The following NEDD9 variants were observed in gnomAD, a reference collection of about 807,000 sequenced individuals.
NEDD9 encodes neural precursor cell expressed, developmentally down-regulated 9, also known as enhancer of filamentation 1.
Under a neutral mutation model 76.6 loss-of-function variants are expected in NEDD9, and 26 were observed. That is an observed-to-expected ratio of 0.34 (90% confidence interval 0.25 to 0.47). NEDD9 has a LOEUF of 0.47. Among genes scored for constraint, NEDD9 ranks in the 20% least tolerant of loss-of-function variants. The pLI, the probability that NEDD9 is intolerant of heterozygous loss-of-function variation, is 1.00. For synonymous variants in NEDD9, 392 were observed against 414.2 expected, an observed-to-expected ratio of 0.95 and a Z score of 0.65; for missense variants, 937 against 1,058.5, an observed-to-expected ratio of 0.89 and a Z score of 1.59.
chr6:11,323,038 A>T (rs1019815101), intron 2 of NEDD9, among the ~76,000 whole-genome samples: 1 of 114,422 alleles, frequency 8.7e-6, no homozygotes, highest in African/African-American at 3.1e-5. Flanking sequence ...TATAGGAGTT[A>T]TTTTTTTCTC....
rs543631183 is a variant in NEDD9 at position 11,308,599 on chromosome 6, T to G, written c.-152-2444A>C. 1.6e-4 allele frequency among the ~76,000 whole-genome samples: 24 copies of G among 152,000 alleles called. No homozygotes were observed. In the East Asian group the frequency reaches 1.7e-3, roughly 11 times the overall value. The stretch of plus-strand genomic sequence containing the variant: ...TTAGCCAGGATGGTCTTAATCTCCT[T>G]ACCTCGTGATCCGCCCACCTCAGCC... On this transcript the variant is annotated intron_variant, in intron 2 of 3. Transcript: ENST00000397378.
chr6:11,260,880 G>T (rs903299992), intron 3 of NEDD9, among the ~76,000 whole-genome samples: 1 of 147,356 alleles, frequency 6.8e-6, no homozygotes, highest in African/African-American at 2.6e-5. Context: ...GTATGTGTGA[G>T]CACGTGTGTG....
chr6:11,314,071 C>A (rs1225820597), intron 2 of NEDD9, among the ~76,000 whole-genome samples: 2 of 152,224 alleles, frequency 1.3e-5, no homozygotes, highest in East Asian at 3.9e-4. Context: ...AATTTGTAAG[C>A]CTTTTAAAGA....
At chr6:11,346,109 G>T (rs536634580) in intron 1 of NEDD9, among the ~76,000 whole-genome samples, 33 of 152,226 alleles carry the variant, frequency 2.2e-4, no homozygotes, top group African/African-American at 7.7e-4. Context: ...GCTTTTTTGT[G>T]TCTCCACCAT....
chr6:11,292,407 A>G (rs1760798924), intron 3 of NEDD9, among the ~76,000 whole-genome samples: 1 of 152,248 alleles, frequency 6.6e-6, no homozygotes, highest in African/African-American at 2.4e-5. Flanking sequence ...AATCAAACCC[A>G]GAAAGCCTTC....
chr6:11,188,933 A>G (rs1334892341), intron 5 of NEDD9, among the ~76,000 whole-genome samples: 3 of 147,740 alleles, frequency 2.0e-5, no homozygotes, highest in Non-Finnish European at 3.0e-5. Context: ...GTCCTAAACA[A>G]TGGATCTTGG....
intron 2 of NEDD9, among the ~76,000 whole-genome samples, chr6:11,202,270 T>C (rs1477572343): frequency 2.0e-5 from 3 of 152,232 alleles, no homozygotes; most frequent in Admixed American, 6.5e-5. Context: ...TATCTCTCTT[T>C]GCGTTTCATG....
At chr6:11,283,392 T>G (rs890050920) in intron 3 of NEDD9, among the ~76,000 whole-genome samples, 1 of 152,160 alleles carries the variant, frequency 6.6e-6, no homozygotes, top group Non-Finnish European at 1.5e-5. Context: ...CTGACCATGG[T>G]GAGAGGGTGG....
chr6:11,183,404 C>T lies in NEDD9; in HGVS notation c.*1758G>A, dbSNP rs1757899691. On this transcript the variant is annotated 3_prime_UTR_variant, in exon 7 of 7. Transcript: ENST00000379446. ...ATTTGGTTTTAAAAATGTGAAATGT[C>T]TCCACTTAGCGTAGATCAATCAAGT... The T allele has an allele frequency of 1.3e-5, 2 of 152,166 alleles. No individual in the cohort carries two copies. Among genetic ancestry groups the T allele is most frequent in the South Asian group, 2.1e-4 (1 of 4,832 alleles). The allele number at this position is 152,166 out of a possible 1,614,324, so 9.4% of individuals were successfully genotyped here. A position where few individuals can be genotyped will look rare whatever the true frequency, so the allele number is the denominator to read the frequency against.
At chr6:11,286,474 A>T (rs1044252948) in intron 3 of NEDD9, among the ~76,000 whole-genome samples, 1 of 152,194 alleles carries the variant, frequency 6.6e-6, no homozygotes, top group Non-Finnish European at 1.5e-5. Context: ...CTAGATTTTT[A>T]TCCAAGAGAA....
chr6:11,255,095 C>G lies in NEDD9; in HGVS notation c.13-41368G>C, dbSNP rs372740477. On this transcript the variant is annotated intron_variant, in intron 3 of 3. Transcript: ENST00000397378. ...ATGCAACAGGATTCATAGAGTGAGA[C>G]AAATAAGTTCTGTGAGGAGTAGGAG... 1.1e-4 allele frequency among the ~76,000 whole-genome samples: 17 copies of G among 152,216 alleles called. 1 individual carries two copies. The South Asian group carries it at 1.5e-3, about 13-fold the overall frequency.
chr6:11,190,966 G>T lies in NEDD9; in HGVS notation c.903C>A (p.His301Gln). The change falls in exon 5 of 7, where the codon CAC (histidine) becomes CAA (glutamine). Residue 301 changes from histidine to glutamine, a missense_variant. His to Gln is a conservative substitution (Grantham distance 24). Transcript: ENST00000379446. The surrounding 1 kb of genome is among the most constrained non-coding windows in gnomAD (Gnocchi z 5.8). ...ARRHQSLSPN[H>Q]PPPQLGQSVG... ...CTGACTGTCCGAGTTGCGGGGGTGGGTGATTCGGGGACAGGCTCTGGTGCC... is the reference window on the plus strand; with the variant it reads ...CTGACTGTCCGAGTTGCGGGGGTGGTTGATTCGGGGACAGGCTCTGGTGCC... 1.2e-6 allele frequency: 2 copies of T among 1,614,078 alleles called. No homozygotes were observed. The highest frequency in any genetic ancestry group is 1.7e-6 in the Non-Finnish European group (2 of 1,180,012).
chr6:11,336,403 C>T (rs545323206), intron 1 of NEDD9, among the ~76,000 whole-genome samples: 10 of 152,304 alleles, frequency 6.6e-5, no homozygotes, highest in African/African-American at 2.4e-4. Flanking sequence ...CAAAAGTAGA[C>T]AGCATGTCAC....
In NEDD9 at chr6:11,278,493, T is replaced by C. The variant is rs146586710; in HGVS notation, c.12+27499A>G. Among the ~76,000 whole-genome samples the C allele has an allele frequency of 4.4e-3, 672 of 152,222 alleles. 7 individuals carry two copies. Among genetic ancestry groups the C allele is most frequent in the African/African-American group, 0.015 (622 of 41,534 alleles). On this transcript the variant is annotated intron_variant, in intron 3 of 3. Coordinates refer to the NEDD9 transcript ENST00000397378. ...CTTAACCACTGGTCCTTTCTACCTC[T>C]CTCCTAGCTTGAGGTCACATTGCTG... is the stretch of plus-strand genomic sequence containing the variant.
At chr6:11,237,459 C>T (rs551799013), upstream of NEDD9, among the ~76,000 whole-genome samples, 2 of 152,258 alleles carry the variant, frequency 1.3e-5, no homozygotes, top group African/African-American at 4.8e-5. The surrounding 1 kb of genome is among the most constrained non-coding windows in gnomAD (Gnocchi z 4.9). Context: ...AGTGAGTTTT[C>T]CATTTATTTA....
intron 1 of NEDD9, among the ~76,000 whole-genome samples, chr6:11,376,500 T>A (rs1453825955): frequency 6.6e-6 from 1 of 152,222 alleles, no homozygotes; most frequent in Non-Finnish European, 1.5e-5. Flanking sequence ...TTGCACTGTA[T>A]GCTCTAGGGA....
At chr6:11,269,990 G>A (rs1014294732) in intron 3 of NEDD9, among the ~76,000 whole-genome samples, 1 of 152,220 alleles carries the variant, frequency 6.6e-6, no homozygotes, top group African/African-American at 2.4e-5. Context: ...AGCCGGGTGT[G>A]GTGGTGCGTG....
intron 1 of NEDD9, among the ~76,000 whole-genome samples, chr6:11,227,240 G>A (rs913671807): frequency 1.3e-5 from 2 of 152,060 alleles, no homozygotes; most frequent in African/African-American, 4.8e-5. Context: ...CTAGTAACTG[G>A]GATTTTGACA....
At chr6:11,215,872 T>G (rs1167212661) in intron 1 of NEDD9, among the ~76,000 whole-genome samples, 2 of 152,138 alleles carry the variant, frequency 1.3e-5, no homozygotes, top group African/African-American at 2.4e-5. Context: ...TCAGCATAAA[T>G]CAGCTCAAGG....
Sources: allele counts gnomAD v4.1 joint callset (sites outside exome capture counted in the v4.1 genomes callset), GRCh38; gene constraint gnomAD v4.1.1; non-coding constraint Gnocchi (gnomAD v3.1); transcripts MANE v1.5; gene names NCBI Gene and HGNC (gene_info 2026-07-23, HGNC 2026-07-21).